The following CPSF2 variants were observed in gnomAD, a reference collection of about 807,000 sequenced individuals.
CPSF2 encodes cleavage and polyadenylation specific factor 2, also known as cleavage and polyadenylation specificity factor subunit 2.
In CPSF2, 51 loss-of-function variants were observed where a neutral mutation model predicts 84.2. That is an observed-to-expected ratio of 0.61 (90% confidence interval 0.48 to 0.77). The LOEUF (loss-of-function observed/expected upper bound fraction) is 0.77, where lower values mean the gene tolerates loss of function less well. CPSF2 is among the 30% of genes least tolerant of loss of function. CPSF2 has a pLI of 0.00. For synonymous variants in CPSF2, 286 were observed against 311.9 expected, an observed-to-expected ratio of 0.92 and a Z score of 0.87; for missense variants, 641 against 929.4, an observed-to-expected ratio of 0.69 and a Z score of 4.03.
chr14:92,131,585 T>A (rs997630597), intron 3 of CPSF2, among the ~76,000 whole-genome samples: 1 of 152,056 alleles, frequency 6.6e-6, no homozygotes, highest in East Asian at 1.9e-4. Context: ...ACGCTGGCAA[T>A]CCCAGTACTT....
chr14:92,162,171 A>G lies in CPSF2; in HGVS notation c.*427A>G, dbSNP rs1187315815. 6.5e-6 allele frequency: 1 copy of G among 152,920 alleles called. No individual in the cohort carries two copies. The highest frequency in any genetic ancestry group is 1.5e-5 in the Non-Finnish European group (1 of 68,262). The allele number at this position is 152,920 out of a possible 1,614,324, so 9.5% of individuals were successfully genotyped here. Reference sequence around the variant, plus strand: ...TTTAGAAAAGACATGCTCCAAAAAAAAAACAAAACTGATAAAACAGTTTTT... The same window carrying G: ...TTTAGAAAAGACATGCTCCAAAAAAGAAACAAAACTGATAAAACAGTTTTT... On this transcript the variant is annotated 3_prime_UTR_variant, in exon 16 of 16. Transcript: ENST00000298875.
In CPSF2 at chr14:92,157,648, T is replaced by A. The variant is rs771149674; in HGVS notation, c.1596-11T>A. 90 of 1,594,630 alleles carry A rather than the reference T, an allele frequency of 5.6e-5. No individual in the cohort carries two copies. The highest frequency in any genetic ancestry group is 7.6e-5 in the Non-Finnish European group (88 of 1,163,760). ...AGAAAAGTAATCTTGAATAATCATA[T>A]CTAATTACAGAGCCCGGGTTACCTA... On this transcript the variant is annotated splice_polypyrimidine_tract_variant and intron_variant, in intron 12 of 15. Transcript: ENST00000298875. This position sits in a 1 kb window ranked among gnomAD's most constrained non-coding sequence, Gnocchi z 4.0.
chr14:92,151,145 A>C (rs1234508957), intron 9 of CPSF2, among the ~76,000 whole-genome samples: 1 of 152,204 alleles, frequency 6.6e-6, no homozygotes, highest in Non-Finnish European at 1.5e-5. Context: ...TAATCCCAGC[A>C]CTTTGGGAGG....
rs917363462 is a variant in CPSF2, at chr14:92,167,190, T to G, written c.*5446T>G. ...CCATGCCAGGCTAATTTTTGTATTTTTAATAGAGATGAGGTTTCATCATGC... is the reference window on the plus strand; with the variant it reads ...CCATGCCAGGCTAATTTTTGTATTTGTAATAGAGATGAGGTTTCATCATGC... On this transcript the variant is annotated 3_prime_UTR_variant, in exon 16 of 16. Coordinates refer to ENST00000298875, the MANE Select transcript of CPSF2 (RefSeq NM_017437.3). 6.6e-6 allele frequency: 1 copy of G among 151,844 alleles called. No individual in the cohort carries two copies. The highest frequency in any genetic ancestry group is 6.6e-5 in the Admixed American group (1 of 15,244). 9.4% of individuals were successfully genotyped at this position (151,844 alleles called of 1,614,324 possible).
rs769910599 is a variant in CPSF2 at position 92,138,397 on chromosome 14, G to A, written c.661+50G>A. ...TATTATTATTATTTTGTAACTTTTT[G>A]TATATTTAGGGAATATAAGTACATA... On this transcript the variant is annotated intron_variant, in intron 7 of 15. Coordinates refer to ENST00000298875, the MANE Select transcript of CPSF2 (RefSeq NM_017437.3). 5 of 978,928 alleles carry A rather than the reference G, an allele frequency of 5.1e-6. No homozygotes were observed. The South Asian group carries it at 7.6e-5, about 15-fold the overall frequency. The allele number at this position is 978,928 out of a possible 1,614,324, so 60.6% of individuals were successfully genotyped here.
chr14:92,155,450 T>C (rs1010164141), intron 11 of CPSF2, 127 bp downstream of exon 11: 55 of 705,492 alleles, frequency 7.8e-5, no homozygotes, highest in Admixed American at 2.6e-5. Flanking sequence ...AGCTTCTGAG[T>C]ACCTCAGCCT....
chr14:92,146,866 A>C (rs1380458458), intron 9 of CPSF2, among the ~76,000 whole-genome samples: 2 of 152,068 alleles, frequency 1.3e-5, no homozygotes, highest in Non-Finnish European at 2.9e-5. Flanking sequence ...GTGCATCAGG[A>C]TCTTTGTACT....
At chr14:92,159,506 A>G (rs1440740958) in intron 14 of CPSF2, among the ~76,000 whole-genome samples, 1 of 152,168 alleles carries the variant, frequency 6.6e-6, no homozygotes, top group African/African-American at 2.4e-5. Flanking sequence ...CAGGAGCTCT[A>G]CATCAGCCTG....
chr14:92,138,070 C>CT (rs2069023626), intron 6 of CPSF2, among the ~76,000 whole-genome samples, 162 bp from the exon 7 acceptor site: 1 of 152,074 alleles, frequency 6.6e-6, no homozygotes, highest in Non-Finnish European at 1.5e-5. Flanking sequence ...CTTCTTTATA[C>CT]TTTTTTGAAG....
At chr14:92,159,596 A>C (rs1281624563) in intron 14 of CPSF2, among the ~76,000 whole-genome samples, 1 of 152,132 alleles carries the variant, frequency 6.6e-6, no homozygotes, top group Non-Finnish European at 1.5e-5. Context: ...CTGAGGCAGG[A>C]GGATTGCTTG....
chr14:92,126,585 TGG>T (rs2068848426), intron 2 of CPSF2, among the ~76,000 whole-genome samples: 1 of 152,128 alleles, frequency 6.6e-6, no homozygotes, highest in African/African-American at 2.4e-5. Context: ...CCAAGGTGGG[TGG>T]ATCACTTGAG....
Position 92,161,696 on chromosome 14 carries a change from T to C in CPSF2, c.2301T>C (p.Asp767=). 1 of 1,596,030 alleles carries C rather than the reference T, an allele frequency of 6.3e-7. No individual in the cohort carries two copies. Among genetic ancestry groups the C allele is most frequent in the South Asian group, 1.1e-5 (1 of 87,334 alleles). The change falls in exon 16 of 16, where the codon GAT becomes GAC. Residue 767 remains aspartate (D), a synonymous_variant. Transcript: ENST00000298875. The part of the protein sequence containing the change: ...RIGLEGCLCQ[D]FYRIRDLLYE... ...GATTAGAAGGCTGCCTTTGTCAAGATTTTTATAGGATAAGAGACCTTTTAT... is the reference window on the plus strand; with the variant it reads ...GATTAGAAGGCTGCCTTTGTCAAGACTTTTATAGGATAAGAGACCTTTTAT...
intron 6 of CPSF2, among the ~76,000 whole-genome samples, chr14:92,136,226 C>T (rs543668107): frequency 7.9e-5 from 12 of 152,176 alleles, no homozygotes; most frequent in African/African-American, 2.9e-4. Flanking sequence ...TTTTGTGTTA[C>T]ATTACAATAG....
At position 92,161,784 on chromosome 14, in the gene CPSF2, G is replaced by A. The variant is rs1258625517; in HGVS notation, c.*40G>A. 1 of 1,132,560 alleles carries A rather than the reference G, an allele frequency of 8.8e-7. No individual in the cohort carries two copies. Among genetic ancestry groups the A allele is most frequent in the Non-Finnish European group, 1.3e-6 (1 of 792,324 alleles). The allele number at this position is 1,132,560 out of a possible 1,614,324, so 70.2% of individuals were successfully genotyped here. On this transcript the variant is annotated 3_prime_UTR_variant, in exon 16 of 16. Coordinates refer to ENST00000298875, the MANE Select transcript of CPSF2 (RefSeq NM_017437.3). ...AGAAGTATCTGCTTGACCTTTCTAA[G>A]AAAAAGGGATTCTTATCTTACTCTG...
rs2069366674 is a variant in CPSF2 at position 92,161,184 on chromosome 14, G to A, written c.2194G>A (p.Gly732Arg). The change falls in exon 15 of 16, where the codon GGG becomes AGG. Residue 732 changes from glycine (G) to arginine (R), a missense_variant. Gly to Arg is a moderately radical substitution (Grantham distance 125). Transcript: ENST00000298875. ...CTTCAAGCAAGTTCTCTTACGGGAG[G>A]GGATTCAAGCTGAATTTGTAGGAGG... ...SDFKQVLLRE[G>R]IQAEFVGGVL... 6.2e-7 allele frequency: 1 copy of A among 1,613,848 alleles called. No individual in the cohort carries two copies.
At chr14:92,150,825 G>A (rs2069205821) in intron 9 of CPSF2, among the ~76,000 whole-genome samples, 1 of 152,146 alleles carries the variant, frequency 6.6e-6, no homozygotes, top group African/African-American at 2.4e-5. Context: ...TCACTCTAAA[G>A]AAAACAATTG....
intron 1 of CPSF2, among the ~76,000 whole-genome samples, chr14:92,123,572 T>G (rs776966590): frequency 6.6e-6 from 1 of 151,990 alleles, no homozygotes. Context: ...TACTTTTTTG[T>G]GTTTTTAGTA....
At chr14:92,131,206 T>C in intron 3 of CPSF2, 73 bp downstream of exon 3, 1 of 1,257,452 alleles carries the variant, frequency 8.0e-7, no homozygotes, top group Non-Finnish European at 1.1e-6. Flanking sequence ...ACCATTTCGA[T>C]GTGATAAATA....
intron 9 of CPSF2, among the ~76,000 whole-genome samples, chr14:92,145,144 T>G (rs80226511): frequency 0.017 from 2,639 of 152,268 alleles, 73 homozygotes; most frequent in African/African-American, 0.06. Flanking sequence ...GTACAAAGGT[T>G]TAGCTGACTA....
Sources: gnomAD v4.1 joint callset for allele counts (sites outside exome capture counted in the v4.1 genomes callset) on GRCh38, gnomAD v4.1.1 for gene constraint, Gnocchi (gnomAD v3.1) non-coding constraint, MANE v1.5 for transcripts, NCBI Gene and HGNC (gene_info 2026-07-23, HGNC 2026-07-21) for gene names.